GPHN: variants seen among roughly 807,000 people sequenced by gnomAD.
GPHN encodes the protein gephyrin.
A neutral mutation model predicts 95.5 loss-of-function variants in GPHN; 17 were observed. That is an observed-to-expected ratio of 0.18 (90% confidence interval 0.12 to 0.27). The LOEUF (loss-of-function observed/expected upper bound fraction) is 0.27, where lower values mean the gene tolerates loss of function less well. GPHN is among the 10% of genes least tolerant of loss of function. The probability of loss-of-function intolerance (pLI) is 1.00; values close to 1 mark genes in which losing one functional copy is unlikely to be tolerated. For missense variants in GPHN, 660 were observed against 978.1 expected, an observed-to-expected ratio of 0.67 and a Z score of 4.34; for synonymous variants, 320 against 322.5, an observed-to-expected ratio of 0.99 and a Z score of 0.08.
chr14:67,044,818 G>A (rs576418468), intron 10 of GPHN, among the ~76,000 whole-genome samples: 46 of 148,164 alleles, frequency 3.1e-4, no homozygotes, highest in African/African-American at 4.5e-4. Context: ...TGTCTCTCTC[G>A]TCTCTGTCTC....
chr14:66,845,493 G>A (rs554720745), intron 4 of GPHN, among the ~76,000 whole-genome samples: 2 of 152,160 alleles, frequency 1.3e-5, no homozygotes, highest in African/African-American at 4.8e-5. Flanking sequence ...TCTGAAGAAA[G>A]TTAAATTTTA....
At chr14:67,534,271 C>G in the GPHN span, among the ~76,000 whole-genome samples, 18 of 152,160 alleles carry the variant, frequency 1.2e-4, no homozygotes, top group South Asian at 2.1e-4. Context: ...AAGGAGGAAG[C>G]TGGGACTCTG....
At chr14:66,963,395 A>G (rs1376129772) in intron 8 of GPHN, among the ~76,000 whole-genome samples, 3 of 152,086 alleles carry the variant, frequency 2.0e-5, no homozygotes, top group Non-Finnish European at 4.4e-5. Flanking sequence ...CAGTTGCTTC[A>G]TTAGATATTG....
chr14:66,728,288 A>G (rs8013613), intron 2 of GPHN, among the ~76,000 whole-genome samples: 51,944 of 152,012 alleles, frequency 0.34, 13,405 homozygotes, highest in African/African-American at 0.7. Flanking sequence ...AGTGCAGAAG[A>G]GAAATGAGGG....
At chr14:66,520,816 G>C (rs1373853436) in intron 1 of GPHN, among the ~76,000 whole-genome samples, 2 of 151,840 alleles carry the variant, frequency 1.3e-5, no homozygotes, top group African/African-American at 4.8e-5. Flanking sequence ...TAGCTACTAA[G>C]CCTGGTACCC....
At chr14:67,347,443 C>A in the GPHN span, 1 of 1,606,516 alleles carries the variant, frequency 6.2e-7, no homozygotes, top group African/African-American at 1.3e-5. Context: ...CAAATACTGG[C>A]AAAGTAACAC....
At chr14:67,674,258 T>G in the GPHN span, 33 of 946,704 alleles carry the variant, frequency 3.5e-5, no homozygotes, top group Non-Finnish European at 5.0e-5. Flanking sequence ...CTAGGGGGCG[T>G]GTCTGAGGAC....
chr14:67,061,750 G>A (rs1349015638), intron 11 of GPHN, among the ~76,000 whole-genome samples: 6 of 151,922 alleles, frequency 3.9e-5, no homozygotes, highest in Non-Finnish European at 7.4e-5. Context: ...AGCCTCAAGC[G>A]ATCCTCTCGC....
At chr14:67,473,461 C>G in the GPHN span, 84 of 1,614,066 alleles carry the variant, frequency 5.2e-5, no homozygotes, top group Non-Finnish European at 2.0e-5. The surrounding 1 kb of genome is among the most constrained non-coding windows in gnomAD (Gnocchi z 6.5). Context: ...GCTAGGGCGC[C>G]GCTGGGCTCC....
chr14:66,618,844 G>A (rs1411384651), intron 1 of GPHN, among the ~76,000 whole-genome samples: 1 of 152,074 alleles, frequency 6.6e-6, no homozygotes, highest in East Asian at 1.9e-4. Context: ...TAACTACATG[G>A]AAGATGGTGA....
chr14:67,544,402 C>T, the GPHN span, among the ~76,000 whole-genome samples: 2 of 151,990 alleles, frequency 1.3e-5, no homozygotes. Context: ...TCTGGAGACA[C>T]AAGACCTCAA....
the GPHN span, chr14:67,338,557 C>G: frequency 3.2e-6 from 5 of 1,554,552 alleles, no homozygotes; most frequent in Non-Finnish European, 4.4e-6. Context: ...CAAATCAAAC[C>G]TACACACTGT....
the GPHN span, among the ~76,000 whole-genome samples, chr14:67,557,857 TGTC>T: frequency 6.6e-6 from 1 of 152,236 alleles, no homozygotes; most frequent in African/African-American, 2.4e-5. Flanking sequence ...ATTCTGGCCT[TGTC>T]GTGCCCTGCC....
intron 3 of GPHN, among the ~76,000 whole-genome samples, chr14:66,821,172 TCTAA>T (rs2061175309): frequency 1.3e-5 from 2 of 152,218 alleles, no homozygotes; most frequent in Admixed American, 6.5e-5. Context: ...TAAATTGCTT[TCTAA>T]CTAAGCTAAG....
chr14:67,502,654 G>T, the GPHN span, among the ~76,000 whole-genome samples: 3 of 151,894 alleles, frequency 2.0e-5, no homozygotes, highest in Non-Finnish European at 4.4e-5. Flanking sequence ...ATTCCTCCAT[G>T]TTGGTCAGGC....
chr14:67,400,085 G>A, the GPHN span, among the ~76,000 whole-genome samples: 1 of 152,142 alleles, frequency 6.6e-6, no homozygotes, highest in Non-Finnish European at 1.5e-5. Flanking sequence ...CACTCAGCAC[G>A]TACTAAGAGC....
At chr14:66,676,108 A>C (rs1049519068) in intron 1 of GPHN, among the ~76,000 whole-genome samples, 10 of 152,060 alleles carry the variant, frequency 6.6e-5, no homozygotes, top group African/African-American at 2.4e-4. Context: ...TTTAGTCATC[A>C]TCTGACTAGT....
At position 67,156,457 on chromosome 14, in the gene GPHN, T is replaced by C. The variant is rs973710668; in HGVS notation, c.1837-2958T>C. Among the ~76,000 whole-genome samples, 4 of 152,092 alleles carry C rather than the reference T, an allele frequency of 2.6e-5. 1 individual carries two copies. In the East Asian group the frequency reaches 7.7e-4, roughly 29 times the overall value. On this transcript the variant is annotated intron_variant, in intron 18 of 22. Coordinates refer to ENST00000478722, the MANE Select transcript of GPHN (RefSeq NM_020806.5). ...GGGAAGTGATTTTTAAAAACCCAGTTATGAGTAGACTGTAATAAGTCAAGG... is the reference window on the plus strand; with the variant it reads ...GGGAAGTGATTTTTAAAAACCCAGTCATGAGTAGACTGTAATAAGTCAAGG...
intron 4 of GPHN, among the ~76,000 whole-genome samples, chr14:66,826,134 T>A (rs917886612): frequency 6.6e-6 from 1 of 152,238 alleles, no homozygotes; most frequent in African/African-American, 2.4e-5. Context: ...AATTAATTCA[T>A]AACCAAATAA....
Sources: allele counts gnomAD v4.1 joint callset (sites outside exome capture counted in the v4.1 genomes callset), GRCh38; gene constraint gnomAD v4.1.1; non-coding constraint Gnocchi (gnomAD v3.1); transcripts MANE v1.5; gene names NCBI Gene and HGNC (gene_info 2026-07-23, HGNC 2026-07-21).